CERKL: variants seen among roughly 807,000 people sequenced by gnomAD.
CERKL encodes the protein CERK like autophagy regulator.
In CERKL, 61 loss-of-function variants were observed where a neutral mutation model predicts 63.4. The ratio of observed to expected loss-of-function variants is 0.96; its 90% CI spans 0.78 to 1.19. The LOEUF is 1.19. Ranked by LOEUF, CERKL falls within the 50% of genes most tolerant of loss-of-function variation. The probability of loss-of-function intolerance (pLI) is 0.00; values close to 1 mark genes in which losing one functional copy is unlikely to be tolerated. For missense variants in CERKL, 675 were observed against 655.5 expected (o/e 1.03, Z -0.33); for synonymous variants, 250 against 230.5 (o/e 1.08, Z -0.77).
intron 4 of CERKL, among the ~76,000 whole-genome samples, chr2:181,559,812 C>A (rs1302591081): frequency 1.3e-5 from 2 of 152,094 alleles, no homozygotes; most frequent in African/African-American, 4.8e-5. Context: ...CAGTCAGTTC[C>A]CACCATCTTT....
chr2:181,650,177 A>G (rs1343178557), intron 1 of CERKL: 2 of 150,444 alleles, frequency 1.3e-5, no homozygotes, highest in Admixed American at 1.3e-4. Context: ...AAGGAAGGAG[A>G]AAGAAAAGAA....
At chr2:181,625,297 A>G (rs1686637519) in intron 1 of CERKL, among the ~76,000 whole-genome samples, 1 of 151,966 alleles carries the variant, frequency 6.6e-6, no homozygotes, top group African/African-American at 2.4e-5. Context: ...GCCACAGGAG[A>G]TTCAAGAAGG....
chr2:181,626,135 C>A (rs1237354882), intron 1 of CERKL, among the ~76,000 whole-genome samples: 1 of 152,008 alleles, frequency 6.6e-6, no homozygotes, highest in Non-Finnish European at 1.5e-5. Context: ...AAAAAACCAC[C>A]CTTCAATTAC....
intron 1 of CERKL, among the ~76,000 whole-genome samples, chr2:181,627,971 C>CA (rs1686783655): frequency 1.3e-5 from 2 of 152,202 alleles, no homozygotes; most frequent in Admixed American, 1.3e-4. Flanking sequence ...TCATCAACAA[C>CA]AAAAAATACA....
chr2:181,591,518 T>C (rs1157357932), intron 2 of CERKL, among the ~76,000 whole-genome samples: 1 of 152,158 alleles, frequency 6.6e-6, no homozygotes, highest in Non-Finnish European at 1.5e-5. Context: ...ACTTTCAGTC[T>C]AGGGGCCAAA....
intron 1 of CERKL, among the ~76,000 whole-genome samples, chr2:181,646,530 T>C (rs573729285): frequency 6.6e-6 from 1 of 152,330 alleles, no homozygotes; most frequent in Admixed American, 6.5e-5. Context: ...ACTAAATATA[T>C]GGCACTTCTG....
intron 1 of CERKL, among the ~76,000 whole-genome samples, chr2:181,642,752 T>A (rs1687501008): frequency 1.3e-5 from 2 of 152,330 alleles, no homozygotes; most frequent in South Asian, 4.1e-4. Flanking sequence ...TTAAAATCTT[T>A]GAAACATACT....
intron 1 of CERKL, among the ~76,000 whole-genome samples, chr2:181,622,927 A>G (rs1686517493): frequency 6.6e-6 from 1 of 152,240 alleles, no homozygotes; most frequent in Non-Finnish European, 1.5e-5. Flanking sequence ...ATGTGGGACT[A>G]CAATAATTCC....
In CERKL at chr2:181,550,258, C is replaced by T. The variant is rs111788917; in HGVS notation, c.821-550G>A. Among the ~76,000 whole-genome samples, 210 of 152,282 alleles carry T rather than the reference C, an allele frequency of 1.4e-3. 2 individuals carry two copies. The highest frequency in any genetic ancestry group is 4.7e-3 in the African/African-American group (195 of 41,566). ...TCTGTTATCTGACAAATGTCTCCTA[C>T]ATTGAAGAAAATGTTTAATTCAATT... On this transcript the variant is annotated intron_variant, in intron 5 of 12. Transcript: ENST00000410087. The surrounding 1 kb of genome is among the most constrained non-coding windows in gnomAD (Gnocchi z 4.5).
chr2:181,560,407 C>T (rs757424101), intron 4 of CERKL, among the ~76,000 whole-genome samples: 4 of 152,204 alleles, frequency 2.6e-5, no homozygotes, highest in Non-Finnish European at 5.9e-5. Context: ...GGTGGCCTCC[C>T]TATGAGCATG....
chr2:181,547,311 G>A (rs1490019902), intron 10 of CERKL, among the ~76,000 whole-genome samples: 1 of 152,156 alleles, frequency 6.6e-6, no homozygotes, highest in African/African-American at 2.4e-5. Flanking sequence ...AGAAATATCA[G>A]TATTTAATAT....
chr2:181,642,694 TAG>T (rs778577848), intron 1 of CERKL, among the ~76,000 whole-genome samples: 7 of 152,250 alleles, frequency 4.6e-5, no homozygotes, highest in Non-Finnish European at 7.4e-5. Context: ...ATATGAAAAA[TAG>T]AGTTATAAGC....
intron 2 of CERKL, among the ~76,000 whole-genome samples, chr2:181,578,848 A>T (rs1684375488): frequency 6.6e-6 from 1 of 151,964 alleles, no homozygotes; most frequent in South Asian, 2.1e-4. Flanking sequence ...GGTTGTTTCC[A>T]ATCTTCCTTT....
chr2:181,576,025 G>A (rs947293923), intron 2 of CERKL, among the ~76,000 whole-genome samples: 6 of 152,052 alleles, frequency 3.9e-5, no homozygotes, highest in Non-Finnish European at 5.9e-5. Flanking sequence ...ATGAAAGGAC[G>A]CAGATGGAAG....
rs769924910 is a variant in CERKL at position 181,548,742 on chromosome 2, A to G, written c.1011T>C (p.Tyr337=). The G allele has an allele frequency of 3.1e-6, 5 of 1,613,948 alleles. No homozygotes were observed. Among genetic ancestry groups the G allele is most frequent in the Admixed American group, 1.7e-5 (1 of 59,972 alleles). The part of the protein sequence containing the change: ...GGRTLALAEK[Y]RWMSPNQRRD... ...TCCGTTGGTTAGGGGACATCCATCG[A>G]TATTTTTCTGCCAGAGCCAAAGTTC... The change falls in exon 7 of 13, where the codon TAT becomes TAC. Residue 337 remains tyrosine, a synonymous_variant. Transcript: ENST00000410087.
rs2105778819 is a variant in CERKL at position 181,536,747 on chromosome 2, T to TTAAAAAATTTCTTTAAATACAATCA, written c.*1412_*1436dup. On this transcript the variant is annotated 3_prime_UTR_variant, in exon 13 of 13. Transcript: ENST00000410087. ...TCTATTTTAAATGACTTTCTGGATT[T>TTAAAAAATTTCTTTAAATACAATCA]TAAAAAATTTCTTTAAATACAATCA... 4.0e-6 allele frequency: 1 copy of TTAAAAAATTTCTTTAAATACAATCA among 248,546 alleles called. No homozygotes were observed. The highest frequency in any genetic ancestry group is 1.0e-4 in the East Asian group (1 of 9,712). The allele number at this position is 248,546 out of a possible 1,614,324, so 15.4% of individuals were successfully genotyped here. A position where few individuals can be genotyped will look rare whatever the true frequency, so the allele number is the denominator to read the frequency against.
Position 181,653,097 on chromosome 2 carries a change from C to T in CERKL, c.238+3672G>A, listed in dbSNP as rs537173115. On this transcript the variant is annotated intron_variant, in intron 1 of 12. Coordinates refer to ENST00000410087, the MANE Select transcript of CERKL (RefSeq NM_201548.5). ...CAACTTGATTTTTTAAATGGGCAAACGACTTTAATTGATAGGTCTCAAAAG... is the reference window on the plus strand; with the variant it reads ...CAACTTGATTTTTTAAATGGGCAAATGACTTTAATTGATAGGTCTCAAAAG... Among the ~76,000 whole-genome samples, 132 of 152,188 alleles carry T rather than the reference C, an allele frequency of 8.7e-4. 1 individual carries two copies. Among genetic ancestry groups the T allele is most frequent in the Middle Eastern group, 3.4e-3 (1 of 294 alleles).
At chr2:181,609,106 ATTTTC>A (rs1374074349) in intron 1 of CERKL, among the ~76,000 whole-genome samples, 14 of 151,874 alleles carry the variant, frequency 9.2e-5, no homozygotes, top group African/African-American at 2.4e-4. Context: ...TATTCTCTTT[ATTTTC>A]TTTTATTATT....
intron 4 of CERKL, among the ~76,000 whole-genome samples, chr2:181,564,754 C>T (rs1688590825): frequency 6.6e-6 from 1 of 152,186 alleles, no homozygotes; most frequent in African/African-American, 2.4e-5. Flanking sequence ...TGCAATGCAG[C>T]TACCTTCATG....
Sources: allele counts gnomAD v4.1 joint callset (sites outside exome capture counted in the v4.1 genomes callset), GRCh38; gene constraint gnomAD v4.1.1; non-coding constraint Gnocchi (gnomAD v3.1); transcripts MANE v1.5; gene names NCBI Gene and HGNC (gene_info 2026-07-23, HGNC 2026-07-21).